Variants in PYGL observed in about 807,000 individuals in gnomAD.
PYGL encodes glycogen phosphorylase L.
A neutral mutation model predicts 100.1 loss-of-function variants in PYGL; 90 were observed. That is an observed-to-expected ratio of 0.90 (90% CI 0.76 to 1.07). The LOEUF (loss-of-function observed/expected upper bound fraction) is 1.07, where lower values mean the gene tolerates loss of function less well. PYGL is among the 50% of genes least tolerant of loss of function. PYGL has a pLI of 0.00. For synonymous variants in PYGL, 373 were observed against 393.0 expected, an observed-to-expected ratio of 0.95 and a Z score of 0.60; for missense variants, 1,016 against 1,057.6, an observed-to-expected ratio of 0.96 and a Z score of 0.55.
chr14:50,933,124 A>T (rs2050617473), intron 3 of PYGL, among the ~76,000 whole-genome samples: 1 of 152,218 alleles, frequency 6.6e-6, no homozygotes, highest in Non-Finnish European at 1.5e-5. Context: ...TTCATCAGTC[A>T]ACTCAAGGAG....
intron 3 of PYGL, among the ~76,000 whole-genome samples, chr14:50,934,404 G>C (rs1446902923): frequency 2.0e-5 from 3 of 152,098 alleles, no homozygotes; most frequent in African/African-American, 7.2e-5. Context: ...ACACAAGGAT[G>C]TGAATTGAGA....
chr14:50,914,899 A>G lies in PYGL; in HGVS notation c.1404-84T>C, dbSNP rs2050431622. 1.4e-5 allele frequency: 14 copies of G among 1,020,002 alleles called. No individual in the cohort carries two copies. The South Asian group carries it at 1.8e-4, about 13-fold the overall frequency. 63.2% of individuals were successfully genotyped at this position (1,020,002 alleles called of 1,614,324 possible). On this transcript the variant is annotated intron_variant, in intron 11 of 19. Transcript: ENST00000216392. The stretch of plus-strand genomic sequence containing the variant: ...CTGGACAAAGTTCGGAGTTATATTC[A>G]AGAAGCCAAGTGCAGGCTTAGAAAG...
intron 1 of PYGL, among the ~76,000 whole-genome samples, chr14:50,938,426 G>T (rs2050674966): frequency 6.6e-6 from 1 of 152,142 alleles, no homozygotes; most frequent in Admixed American, 6.5e-5. Flanking sequence ...TGGTCAGGCT[G>T]GTCTCGAACT....
chr14:50,912,166 C>G lies in PYGL; in HGVS notation c.1758G>C (p.Thr586=). The G allele has an allele frequency of 6.2e-7, 1 of 1,614,212 alleles. No individual in the cohort carries two copies. Among genetic ancestry groups the G allele is most frequent in the Non-Finnish European group, 8.5e-7 (1 of 1,180,038 alleles). Reference sequence around the variant, plus strand: ...ACAGGGCTGACTCACGGTTGTACATCGTGATCACATGCAGACAGTTCAAGA... The same window carrying G: ...ACAGGGCTGACTCACGGTTGTACATGGTGATCACATGCAGACAGTTCAAGA... ...RQLLNCLHVI[T]MYNRIKKDPK... is the part of the protein sequence containing the mutation. Residue 586 remains threonine, a synonymous_variant, in exon 14 of 20, where the codon ACG becomes ACC. Coordinates refer to ENST00000216392, the MANE Select transcript of PYGL (RefSeq NM_002863.5).
rs770510585 is a variant in PYGL, at chr14:50,911,725, AGTACC to A, written c.1969_1969+4del. 88 of 1,614,026 alleles carry A rather than the reference AGTACC, an allele frequency of 5.5e-5. No homozygotes were observed. Among genetic ancestry groups the A allele is most frequent in the Non-Finnish European group, 7.3e-5 (86 of 1,179,986 alleles). On this transcript the variant is annotated splice_donor_variant and splice_donor_region_variant and coding_sequence_variant and intron_variant, in exon 16 of 20. Transcript: ENST00000216392. LOFTEE classifies it high-confidence loss of function. ...CCCCTGCATATTTTGCAATGAGGGTAGTACCTTTTTCAGCAAGAGATACTCTGTAG... is the reference window on the plus strand; with the variant it reads ...CCCCTGCATATTTTGCAATGAGGGTATTTTTCAGCAAGAGATACTCTGTAG...
intron 5 of PYGL, 46 bp from the exon 6 acceptor site, chr14:50,921,113 A>T: frequency 6.8e-7 from 1 of 1,460,538 alleles, no homozygotes; most frequent in East Asian, 2.3e-5. Context: ...CCCAAGTGTG[A>T]TGACATAGGT....
intron 7 of PYGL, among the ~76,000 whole-genome samples, chr14:50,920,090 T>C (rs545305047): frequency 1.3e-5 from 2 of 152,176 alleles, no homozygotes; most frequent in Non-Finnish European, 1.5e-5. Context: ...TGTTTGTTCA[T>C]GGGTCTGCCC....
At chr14:50,905,642 A>G (rs984494804) in intron 19 of PYGL, 86 bp from the exon 20 acceptor site, 11 of 1,272,132 alleles carry the variant, frequency 8.6e-6, no homozygotes, top group Non-Finnish European at 1.3e-5. Flanking sequence ...ATCCAAACAC[A>G]TTTCATGAGG....
At chr14:50,924,157 A>G (rs1229805226) in intron 4 of PYGL, 57 bp from the exon 5 acceptor site, 1 of 1,562,492 alleles carries the variant, frequency 6.4e-7, no homozygotes, top group Non-Finnish European at 8.8e-7. Context: ...TGAACCTAGC[A>G]CTTCAATTAT....
chr14:50,935,351 G>A (rs2050645602), intron 2 of PYGL, among the ~76,000 whole-genome samples, 166 bp from the exon 3 acceptor site: 2 of 152,246 alleles, frequency 1.3e-5, no homozygotes, highest in African/African-American at 4.8e-5. Context: ...TGACTGCAGA[G>A]GCAAACTGTA....
At chr14:50,941,970 T>C (rs1007593543) in intron 1 of PYGL, among the ~76,000 whole-genome samples, 1 of 152,158 alleles carries the variant, frequency 6.6e-6, no homozygotes, top group Non-Finnish European at 1.5e-5. Context: ...TAGGAAGATA[T>C]CTAGATATGT....
At chr14:50,921,128 C>G in intron 5 of PYGL, 61 bp from the exon 6 acceptor site, 1 of 1,351,012 alleles carries the variant, frequency 7.4e-7, no homozygotes, top group Non-Finnish European at 1.1e-6. Context: ...ATAGGTTGAA[C>G]AAGGGGCTGG....
chr14:50,930,744 G>A (rs1396886332), intron 4 of PYGL, among the ~76,000 whole-genome samples: 1 of 152,118 alleles, frequency 6.6e-6, no homozygotes, highest in Non-Finnish European at 1.5e-5. Flanking sequence ...TCTCTTGTTG[G>A]ACTCATCTCA....
chr14:50,944,008 C>G (rs1431716246), intron 1 of PYGL, among the ~76,000 whole-genome samples, 153 bp downstream of exon 1: 1 of 152,152 alleles, frequency 6.6e-6, no homozygotes, highest in Non-Finnish European at 1.5e-5. Context: ...CCAGGCTGCC[C>G]GCCCACAGCC....
intron 7 of PYGL, among the ~76,000 whole-genome samples, chr14:50,918,748 A>T (rs1208009406): frequency 6.6e-6 from 1 of 152,170 alleles, no homozygotes; most frequent in African/African-American, 2.4e-5. Flanking sequence ...ACCACTAAAG[A>T]ACTTATCCAT....
chr14:50,916,265 C>T (rs539878444), intron 9 of PYGL, among the ~76,000 whole-genome samples: 36 of 152,318 alleles, frequency 2.4e-4, no homozygotes, highest in African/African-American at 9.6e-5. Flanking sequence ...GGGATAAAAA[C>T]GTAAATAGTG....
At chr14:50,940,987 T>C (rs531239164) in intron 1 of PYGL, among the ~76,000 whole-genome samples, 2 of 152,122 alleles carry the variant, frequency 1.3e-5, no homozygotes, top group African/African-American at 4.8e-5. Context: ...GATTGGTTTG[T>C]TGGGAGAGCA....
At chr14:50,911,688 A>C (rs547667610) in intron 16 of PYGL, 42 bp downstream of exon 16, 1 of 1,609,714 alleles carries the variant, frequency 6.2e-7, no homozygotes, top group East Asian at 2.2e-5. Flanking sequence ...TAATCTCTAG[A>C]GTTTGCCCTG....
rs766048595 is a variant in PYGL at position 50,944,408 on chromosome 14, G to A, written c.-5C>T. The A allele has an allele frequency of 1.2e-6, 2 of 1,606,156 alleles. No individual in the cohort carries two copies. The highest frequency in any genetic ancestry group is 4.5e-5 in the East Asian group (2 of 44,642). On this transcript the variant is annotated 5_prime_UTR_variant, in exon 1 of 20. Coordinates refer to ENST00000216392, the MANE Select transcript of PYGL (RefSeq NM_002863.5). ...GTCCGTCAGGGGCTTCGCCATGGCT[G>A]GGGCGGCGGGCTGCGCGGCGGGCTG...
Sources: allele counts gnomAD v4.1 joint callset (sites outside exome capture counted in the v4.1 genomes callset), GRCh38; gene constraint gnomAD v4.1.1; transcripts MANE v1.5; gene names NCBI Gene and HGNC (gene_info 2026-07-23, HGNC 2026-07-21).